SPART: variants seen among roughly 807,000 people sequenced by gnomAD.
The protein encoded by SPART is spastic paraplegia 20 (Troyer syndrome).
SPART carries 35 observed loss-of-function variants against 58.7 expected under a neutral mutation model. The observed-to-expected ratio is 0.60, with a 90% CI of 0.46 to 0.79. The LOEUF is 0.79. Ranked by LOEUF, SPART falls within the 30% of genes least tolerant of loss-of-function variation. The probability of loss-of-function intolerance (pLI) is 0.00; values close to 1 mark genes in which losing one functional copy is unlikely to be tolerated. For synonymous variants in SPART, 284 were observed against 280.7 expected, an observed-to-expected ratio of 1.01 and a Z score of -0.12; for missense variants, 730 against 786.1, an observed-to-expected ratio of 0.93 and a Z score of 0.85.
At chr13:36,367,240 C>CA (rs1886094860) in intron 1 of SPART, among the ~76,000 whole-genome samples, 1 of 152,192 alleles carries the variant, frequency 6.6e-6, no homozygotes, top group Admixed American at 6.5e-5. Flanking sequence ...TGGGTCCACC[C>CA]AAACATGGAG....
At chr13:36,309,283 A>G (rs1880845217) in intron 8 of SPART, among the ~76,000 whole-genome samples, 1 of 151,880 alleles carries the variant, frequency 6.6e-6, no homozygotes, top group African/African-American at 2.4e-5. Context: ...ATGATATGCC[A>G]CATTGCTTTG....
intron 8 of SPART, among the ~76,000 whole-genome samples, chr13:36,306,396 G>A (rs901891741): frequency 2.0e-5 from 3 of 152,030 alleles, no homozygotes; most frequent in Non-Finnish European, 4.4e-5. Flanking sequence ...AACAGTGACC[G>A]TAACTCTTGG....
chr13:36,340,706 T>C (rs1884491650), intron 1 of SPART, among the ~76,000 whole-genome samples: 1 of 151,694 alleles, frequency 6.6e-6, no homozygotes, highest in Non-Finnish European at 1.5e-5. Flanking sequence ...CAGGGTGGAG[T>C]AGGAGACAAC....
intron 5 of SPART, among the ~76,000 whole-genome samples, chr13:36,325,004 T>C (rs1882775953): frequency 6.6e-6 from 1 of 152,160 alleles, no homozygotes; most frequent in Non-Finnish European, 1.5e-5. Context: ...TGGTGGAATG[T>C]CATCAGTTAA....
chr13:36,318,630 C>A (rs1174544729), intron 5 of SPART, among the ~76,000 whole-genome samples: 5 of 151,490 alleles, frequency 3.3e-5, no homozygotes, highest in South Asian at 4.2e-4. Flanking sequence ...AACCCCAGCC[C>A]CATCTCCAGC....
At chr13:36,359,920 A>C (rs1450363436) in intron 1 of SPART, among the ~76,000 whole-genome samples, 1 of 78,562 alleles carries the variant, frequency 1.3e-5, no homozygotes, top group African/African-American at 4.8e-5. Flanking sequence ...GAGGTTGTTA[A>C]TTTAAAAAAA....
chr13:36,356,631 A>T (rs1483938031), intron 1 of SPART, among the ~76,000 whole-genome samples: 1 of 152,176 alleles, frequency 6.6e-6, no homozygotes, highest in Non-Finnish European at 1.5e-5. Flanking sequence ...GACTGAACCA[A>T]TGTATTTCTT....
chr13:36,360,946 T>TC (rs1268612682), intron 1 of SPART, among the ~76,000 whole-genome samples: 2 of 152,222 alleles, frequency 1.3e-5, no homozygotes, highest in Non-Finnish European at 2.9e-5. Flanking sequence ...AACTTGGAAA[T>TC]CTGTGATGGT....
At chr13:36,354,607 A>G (rs2137700832) in intron 1 of SPART, among the ~76,000 whole-genome samples, 1 of 152,308 alleles carries the variant, frequency 6.6e-6, no homozygotes, top group Non-Finnish European at 1.5e-5. Flanking sequence ...CCACTGAGAG[A>G]GGATATGTTG....
Position 36,344,491 on chromosome 13 carries a change from G to A in SPART, c.-3+1734C>T, listed in dbSNP as rs1054969992. Among the ~76,000 whole-genome samples the A allele has an allele frequency of 5.3e-5, 8 of 152,106 alleles. No individual in the cohort carries two copies. In the South Asian group the frequency reaches 6.2e-4, roughly 12 times the overall value. ...AAAAGGATACACGAGAGAAGAGCCT[G>A]GGTATCTAGAGGTTATATATAAGTC... On this transcript the variant is annotated intron_variant, in intron 1 of 8. Transcript: ENST00000438666.
intron 1 of SPART, among the ~76,000 whole-genome samples, chr13:36,363,568 C>G (rs1236575324): frequency 1.3e-5 from 2 of 152,046 alleles, no homozygotes; most frequent in African/African-American, 4.8e-5. Flanking sequence ...GCAAGAATGT[C>G]CCAGTTATTT....
chr13:36,347,145 G>C (rs1305037422), upstream of SPART, among the ~76,000 whole-genome samples: 1 of 135,576 alleles, frequency 7.4e-6, no homozygotes, highest in Non-Finnish European at 1.7e-5. Context: ...GGCTGCCTTA[G>C]GGAAAAAAAA....
chr13:36,334,619 G>A (rs909292960), intron 2 of SPART, among the ~76,000 whole-genome samples: 14 of 152,200 alleles, frequency 9.2e-5, no homozygotes, highest in Non-Finnish European at 1.9e-4. Flanking sequence ...TCTGGACCAT[G>A]GGCTCGGTCT....
At position 36,303,188 on chromosome 13, in the gene SPART, T is replaced by C. The variant is rs1880157192; in HGVS notation, c.*1177A>G. The C allele has an allele frequency of 6.6e-6, 1 of 152,186 alleles. No individual in the cohort carries two copies. The highest frequency in any genetic ancestry group is 2.4e-5 in the African/African-American group (1 of 41,450). 9.4% of individuals were successfully genotyped at this position (152,186 alleles called of 1,614,324 possible). A position where few individuals can be genotyped will look rare whatever the true frequency, so the allele number is the denominator to read the frequency against. On this transcript the variant is annotated 3_prime_UTR_variant, in exon 9 of 9. Transcript: ENST00000438666. ...CATAAAGTGCATTCTTCAGACAGCT[T>C]CAAATAATGTCTAATTAAGTAGCCA...
intron 8 of SPART, among the ~76,000 whole-genome samples, chr13:36,309,439 C>T (rs1038385270): frequency 5.3e-5 from 8 of 152,132 alleles, no homozygotes; most frequent in African/African-American, 1.9e-4. Context: ...CACTCACTCA[C>T]ATGTTCACTG....
intron 8 of SPART, among the ~76,000 whole-genome samples, chr13:36,311,447 A>G (rs1881091189): frequency 6.6e-6 from 1 of 152,212 alleles, no homozygotes; most frequent in Non-Finnish European, 1.5e-5. Flanking sequence ...ATGTGACATA[A>G]TTTTTAACAG....
chr13:36,331,569 G>C lies in SPART; in HGVS notation c.838C>G (p.Pro280Ala), dbSNP rs761438354. ...QVCDWLYPLV[P>A]DRSPVLKCTA... ...CATTTCAGAACCGGAGATCTATCAG[G>C]AACTAGAGGATATAACCAGTCACAA... Residue 280 changes from proline (P) to alanine (A), a missense_variant, in exon 3 of 9, where the codon CCT (proline) becomes GCT (alanine). Transcript: ENST00000438666. 3.2e-5 allele frequency: 51 copies of C among 1,613,508 alleles called. No homozygotes were observed. The highest frequency in any genetic ancestry group is 4.2e-5 in the Non-Finnish European group (49 of 1,179,900).
At chr13:36,330,921 C>A (rs1459590892) in intron 3 of SPART, among the ~76,000 whole-genome samples, 1 of 152,188 alleles carries the variant, frequency 6.6e-6, no homozygotes, top group African/African-American at 2.4e-5. Flanking sequence ...CATAACCTAT[C>A]TACTAAAGCT....
intron 1 of SPART, among the ~76,000 whole-genome samples, chr13:36,364,682 G>A (rs1017712467): frequency 2.6e-5 from 4 of 152,088 alleles, no homozygotes; most frequent in Non-Finnish European, 5.9e-5. Flanking sequence ...TGCAAGTGAG[G>A]GGCCCTGAAA....
Sources: gnomAD v4.1 joint callset for allele counts (sites outside exome capture counted in the v4.1 genomes callset) on GRCh38, gnomAD v4.1.1 for gene constraint, MANE v1.5 for transcripts, NCBI Gene and HGNC (gene_info 2026-07-23, HGNC 2026-07-21) for gene names.